FLT3: variants seen among roughly 807,000 people sequenced by gnomAD.
FLT3 encodes receptor-type tyrosine-protein kinase FLT3.
In FLT3, 46 loss-of-function variants were observed where a neutral mutation model predicts 126.6. That is an observed-to-expected ratio of 0.36 (90% CI 0.29 to 0.46). The LOEUF (loss-of-function observed/expected upper bound fraction) is 0.46. Ranked by LOEUF, FLT3 falls within the 20% of genes least tolerant of loss-of-function variation. The pLI is 1.00. For missense variants in FLT3, 1,069 were observed against 1,190.3 expected (o/e 0.90, Z 1.50); for synonymous variants, 404 against 434.4 (o/e 0.93, Z 0.87).
intron 1 of FLT3, among the ~76,000 whole-genome samples, chr13:28,092,678 T>C (rs1879191433): frequency 6.6e-6 from 1 of 151,958 alleles, no homozygotes; most frequent in African/African-American, 2.4e-5. Flanking sequence ...CCCATATTCA[T>C]CCTCTACACA....
At chr13:28,066,382 C>G (rs562871272) in intron 2 of FLT3, among the ~76,000 whole-genome samples, 50 of 152,288 alleles carry the variant, frequency 3.3e-4, no homozygotes, top group African/African-American at 1.2e-3. Context: ...AATACTACCC[C>G]CCAGAGAAGC....
At chr13:28,088,677 C>T (rs1308892357) in intron 1 of FLT3, among the ~76,000 whole-genome samples, 3 of 151,596 alleles carry the variant, frequency 2.0e-5, no homozygotes, top group South Asian at 2.1e-4. Context: ...CCTCCACCCC[C>T]GGGTTCAAGC....
intron 19 of FLT3, among the ~76,000 whole-genome samples, chr13:28,018,937 T>A (rs995700184): frequency 2.0e-5 from 3 of 151,642 alleles, no homozygotes; most frequent in African/African-American, 7.3e-5. Flanking sequence ...CCAGTACTCT[T>A]ATTGTGGGTG....
intron 9 of FLT3, among the ~76,000 whole-genome samples, chr13:28,044,363 T>C (rs1235224559): frequency 6.9e-6 from 1 of 144,074 alleles, no homozygotes; most frequent in African/African-American, 2.6e-5. Context: ...GGCAGGAGAA[T>C]CACTTGAACC....
Position 28,024,925 on chromosome 13 carries a change from T to G in FLT3, c.2226A>C (p.Glu742Asp), listed in dbSNP as rs746353646. 6.2e-6 allele frequency: 10 copies of G among 1,611,136 alleles called. No individual in the cohort carries two copies. In the Admixed American group the frequency reaches 1.5e-4, roughly 24 times the overall value. ...GATCCGAGTCCGGGTGTATCTGAACTTCTCTTGAACCAGGCATGCTATTAA... is the reference window on the plus strand; with the variant it reads ...GATCCGAGTCCGGGTGTATCTGAACGTCTCTTGAACCAGGCATGCTATTAA... ...HPNSSMPGSR[E>D]VQIHPDSDQI... Residue 742 changes from glutamate (E) to aspartate (D), a missense_variant, in exon 18 of 24, where the codon GAA (glutamate) becomes GAC (aspartate). Physicochemically the swap from Glu to Asp is conservative, Grantham distance 45. Transcript: ENST00000241453.
intron 9 of FLT3, among the ~76,000 whole-genome samples, chr13:28,046,885 C>T (rs534382775): frequency 1.0e-3 from 154 of 152,110 alleles, no homozygotes; most frequent in African/African-American, 3.5e-3. Flanking sequence ...TGTGACCCAC[C>T]GAGCCCGGCC....
chr13:28,046,523 T>C (rs1371619262), intron 9 of FLT3, among the ~76,000 whole-genome samples: 1 of 152,250 alleles, frequency 6.6e-6, no homozygotes, highest in African/African-American at 2.4e-5. Flanking sequence ...TTTAATAACA[T>C]ATTTCGCTGA....
chr13:28,059,958 CAATAAATAAATA>C (rs10523017), intron 3 of FLT3, among the ~76,000 whole-genome samples: 6,025 of 148,144 alleles, frequency 0.041, 234 homozygotes, highest in Admixed American at 0.12. Context: ...GACTCTGCCT[CAATAAATAAATA>C]AATAAATAAA....
chr13:28,081,896 GC>G (rs557700236), intron 1 of FLT3, among the ~76,000 whole-genome samples: 47 of 111,668 alleles, frequency 4.2e-4, no homozygotes, highest in African/African-American at 1.6e-3. Flanking sequence ...TTGCTCTGTC[GC>G]CCAGGCTGGA....
At chr13:28,079,640 A>C (rs1229734412) in intron 1 of FLT3, among the ~76,000 whole-genome samples, 1 of 152,198 alleles carries the variant, frequency 6.6e-6, no homozygotes, top group Non-Finnish European at 1.5e-5. Context: ...GGTGAAAGGC[A>C]CTTCTTACAT....
chr13:28,038,749 A>G (rs2504235), intron 9 of FLT3, among the ~76,000 whole-genome samples: 87,477 of 152,010 alleles, frequency 0.58, 25,673 homozygotes, highest in East Asian at 0.83. Flanking sequence ...CACTGCGCCC[A>G]GCCTAGCCTA....
At chr13:28,097,027 A>G (rs183234959) in intron 1 of FLT3, among the ~76,000 whole-genome samples, 106 of 152,086 alleles carry the variant, frequency 7.0e-4, no homozygotes, top group African/African-American at 2.3e-3. Flanking sequence ...CCTGAGCAAT[A>G]CAGTGAGATC....
chr13:28,016,516 G>T (rs543179090), intron 20 of FLT3, among the ~76,000 whole-genome samples: 3 of 152,022 alleles, frequency 2.0e-5, no homozygotes, highest in Non-Finnish European at 4.4e-5. Context: ...TGATCCACCC[G>T]CCTCAGCCTC....
At chr13:28,080,652 C>T (rs984310241) in intron 1 of FLT3, among the ~76,000 whole-genome samples, 10 of 152,126 alleles carry the variant, frequency 6.6e-5, no homozygotes, top group Admixed American at 6.5e-5. Context: ...AATTTTTAAT[C>T]TTGAAGATGT....
At chr13:28,082,559 G>A (rs373478871) in intron 1 of FLT3, among the ~76,000 whole-genome samples, 55 of 151,858 alleles carry the variant, frequency 3.6e-4, no homozygotes, top group Admixed American at 5.9e-4. Flanking sequence ...CCAGTGGTGC[G>A]ATCTCAGCTC....
intron 23 of FLT3, chr13:28,009,545 T>C (rs1167082509): frequency 6.6e-6 from 1 of 152,118 alleles, no homozygotes; most frequent in Non-Finnish European, 1.5e-5. Context: ...GGCCTCACTT[T>C]TATTTTAGTT....
At chr13:28,031,288 G>A (rs559342303) in intron 15 of FLT3, among the ~76,000 whole-genome samples, 2 of 152,258 alleles carry the variant, frequency 1.3e-5, no homozygotes, top group East Asian at 1.9e-4. Context: ...GGGTCAAAAG[G>A]GATAGCTACC....
intron 20 of FLT3, among the ~76,000 whole-genome samples, chr13:28,016,926 T>G (rs1871913524): frequency 6.6e-6 from 1 of 152,132 alleles, no homozygotes; most frequent in African/African-American, 2.4e-5. Flanking sequence ...CTGGACAAGG[T>G]GCTTTCACGT....
At chr13:28,035,291 A>G (rs1218991352) in intron 12 of FLT3, among the ~76,000 whole-genome samples, 1 of 152,230 alleles carries the variant, frequency 6.6e-6, no homozygotes, top group African/African-American at 2.4e-5. Context: ...TCACTGTGAC[A>G]CATGAGTCAC....
Sources: allele counts gnomAD v4.1 joint callset (sites outside exome capture counted in the v4.1 genomes callset), GRCh38; gene constraint gnomAD v4.1.1; transcripts MANE v1.5; gene names NCBI Gene and HGNC (gene_info 2026-07-23, HGNC 2026-07-21).